The following ARK2N variants were observed in gnomAD, a reference collection of about 807,000 sequenced individuals.
ARK2N encodes the protein arkadia (RNF111) N-terminal like PKA signaling regulator 2N.
At chr18:46,207,286 CAT>C in the ARK2N span, among the ~76,000 whole-genome samples, 145 of 151,864 alleles carry the variant, frequency 9.5e-4, 1 homozygote, top group African/African-American at 3.2e-3. Flanking sequence ...TATTTTATAA[CAT>C]ATGATAAAAA....
At chr18:46,196,044 G>A in the ARK2N span, among the ~76,000 whole-genome samples, 8 of 151,440 alleles carry the variant, frequency 5.3e-5, no homozygotes, top group Non-Finnish European at 8.8e-5. Context: ...GCAGTGGTGC[G>A]ATCTCGGCTC....
chr18:46,231,567 T>C, the ARK2N span, among the ~76,000 whole-genome samples: 2 of 14,936 alleles, frequency 1.3e-4, no homozygotes, highest in African/African-American at 4.2e-4. Flanking sequence ...GGTTTGGGGC[T>C]TTTTTTTTTT....
At chr18:46,221,652 T>G in the ARK2N span, among the ~76,000 whole-genome samples, 2 of 152,162 alleles carry the variant, frequency 1.3e-5, no homozygotes, top group Admixed American at 6.6e-5. Context: ...TTTGGTAAAG[T>G]CTGTTCATAT....
chr18:46,206,739 T>A, the ARK2N span, among the ~76,000 whole-genome samples: 5 of 152,178 alleles, frequency 3.3e-5, no homozygotes, highest in African/African-American at 1.2e-4. Flanking sequence ...TTAACCCACT[T>A]CTCTTCATTC....
the ARK2N span, among the ~76,000 whole-genome samples, chr18:46,250,140 T>C: frequency 3.4e-3 from 521 of 152,324 alleles, 2 homozygotes; most frequent in Non-Finnish European, 6.0e-3. Context: ...TTTAGACCTC[T>C]GACCTGAGCT....
chr18:46,259,772 C>CTCTG, the ARK2N span, among the ~76,000 whole-genome samples: 1 of 104,800 alleles, frequency 9.5e-6, no homozygotes, highest in African/African-American at 3.5e-5. Flanking sequence ...CACCCAGCTA[C>CTCTG]TGTGTGTGTG....
At chr18:46,222,757 A>C in the ARK2N span, among the ~76,000 whole-genome samples, 3 of 152,124 alleles carry the variant, frequency 2.0e-5, no homozygotes, top group Admixed American at 2.0e-4. Flanking sequence ...AATCGAGCAG[A>C]GGAGACAGAG....
chr18:46,241,732 A>T, the ARK2N span, among the ~76,000 whole-genome samples: 2 of 152,158 alleles, frequency 1.3e-5, no homozygotes, highest in Admixed American at 1.3e-4. Context: ...CCCCCCAAAA[A>T]AGAAAAAAGA....
chr18:46,199,423 T>G, the ARK2N span, among the ~76,000 whole-genome samples: 1 of 151,834 alleles, frequency 6.6e-6, no homozygotes, highest in Non-Finnish European at 1.5e-5. Context: ...CAAGCGATTC[T>G]TCCTGCCTCA....
the ARK2N span, among the ~76,000 whole-genome samples, chr18:46,258,189 G>A: frequency 3.3e-5 from 5 of 152,158 alleles, no homozygotes; most frequent in African/African-American, 1.2e-4. Context: ...GCCTCCCAAA[G>A]TGCTGGGATT....
At chr18:46,215,738 TAGAA>T in the ARK2N span, 1 of 742,728 alleles carries the variant, frequency 1.3e-6, no homozygotes, top group Non-Finnish European at 2.2e-6. Context: ...CCCACCCACT[TAGAA>T]AGGTAGGCAT....
the ARK2N span, among the ~76,000 whole-genome samples, chr18:46,203,186 A>G: frequency 1.3e-5 from 2 of 152,248 alleles, no homozygotes; most frequent in Non-Finnish European, 2.9e-5. Flanking sequence ...GAAGACATGT[A>G]TGAAACTTTT....
the ARK2N span, among the ~76,000 whole-genome samples, chr18:46,198,039 C>T: frequency 2.0e-4 from 31 of 152,168 alleles, no homozygotes; most frequent in Non-Finnish European, 3.7e-4. Flanking sequence ...TGGTGGCTCA[C>T]GCCTATAATC....
the ARK2N span, among the ~76,000 whole-genome samples, chr18:46,174,699 C>T: frequency 6.6e-6 from 1 of 151,974 alleles, no homozygotes; most frequent in Admixed American, 6.6e-5. Flanking sequence ...CCGCAGTCCC[C>T]GGGCTGCGGG....
At chr18:46,175,995 A>T in the ARK2N span, among the ~76,000 whole-genome samples, 1 of 152,206 alleles carries the variant, frequency 6.6e-6, no homozygotes, top group African/African-American at 2.4e-5. Flanking sequence ...TTTTATGGTT[A>T]TGATTAATTC....
chr18:46,174,447 T>C, the ARK2N span: 1 of 151,950 alleles, frequency 6.6e-6, no homozygotes, highest in Non-Finnish European at 1.5e-5. Flanking sequence ...CGGTGAGGGC[T>C]CTGCGGCGTC....
chr18:46,259,243 CTT>C, the ARK2N span, among the ~76,000 whole-genome samples: 297 of 136,588 alleles, frequency 2.2e-3, 1 homozygote, highest in African/African-American at 7.4e-3. Context: ...TTCTTTCTTT[CTT>C]TTTTTTTTTT....
chr18:46,254,451 G>A, the ARK2N span, among the ~76,000 whole-genome samples: 1 of 152,204 alleles, frequency 6.6e-6, no homozygotes, highest in African/African-American at 2.4e-5. Context: ...GTAGGGGTCA[G>A]CAAACTGTGG....
At chr18:46,243,987 G>A in the ARK2N span, among the ~76,000 whole-genome samples, 1 of 152,164 alleles carries the variant, frequency 6.6e-6, no homozygotes, top group Non-Finnish European at 1.5e-5. Context: ...GCACTGCAAC[G>A]AGTTGCTCTT....
Sources: gnomAD v4.1 joint callset for allele counts (sites outside exome capture counted in the v4.1 genomes callset) on GRCh38, gnomAD v4.1.1 for gene constraint, MANE v1.5 for transcripts, NCBI Gene and HGNC (gene_info 2026-07-23, HGNC 2026-07-21) for gene names.